CSMD3: variants seen among roughly 807,000 people sequenced by gnomAD.
The protein encoded by CSMD3 is CUB and sushi domain-containing protein 3.
A neutral mutation model predicts 435.2 loss-of-function variants in CSMD3; 177 were observed. The observed-to-expected ratio is 0.41, with a 90% CI of 0.36 to 0.46. The LOEUF (loss-of-function observed/expected upper bound fraction) is 0.46. Among genes scored for constraint, CSMD3 ranks in the 20% least tolerant of loss-of-function variants. CSMD3 has a pLI of 0.34. For synonymous variants in CSMD3, 1,656 were observed against 1,520.5 expected, an observed-to-expected ratio of 1.09 and a Z score of -2.07; for missense variants, 4,265 against 4,504.6, an observed-to-expected ratio of 0.95 and a Z score of 1.52.
chr8:112,369,775 A>G (rs1475676755), intron 38 of CSMD3, among the ~76,000 whole-genome samples: 3 of 151,782 alleles, frequency 2.0e-5, no homozygotes, highest in Non-Finnish European at 4.4e-5. Flanking sequence ...GGGGCTTAAA[A>G]CCTGGATTAC....
At chr8:112,910,004 T>C (rs1159003301) in intron 10 of CSMD3, among the ~76,000 whole-genome samples, 1 of 151,764 alleles carries the variant, frequency 6.6e-6, no homozygotes, top group Non-Finnish European at 1.5e-5. Flanking sequence ...AGCCTGCCAG[T>C]GAGTACGTTA....
chr8:112,992,426 T>TCATAAATAA (rs2085489812), intron 6 of CSMD3, among the ~76,000 whole-genome samples: 1 of 151,734 alleles, frequency 6.6e-6, no homozygotes, highest in African/African-American at 2.4e-5. Flanking sequence ...AGGCCCTGAT[T>TCATAAATAA]GTGAATATCC....
rs190489582 is a variant in CSMD3 at position 112,899,463 on chromosome 8, T to C, written c.1633+22164A>G. ...AAAGTTATTTTCATTCTAAGCATTT[T>C]AGTTTTTAATATTCTAAAGCATTCA... On this transcript the variant is annotated intron_variant, in intron 10 of 70. Coordinates refer to ENST00000297405, the MANE Select transcript of CSMD3 (RefSeq NM_198123.2). 3.8e-3 allele frequency among the ~76,000 whole-genome samples: 561 copies of C among 148,110 alleles called. 6 individuals carry two copies. Among genetic ancestry groups the C allele is most frequent in the African/African-American group, 0.013 (524 of 40,790 alleles).
intron 9 of CSMD3, among the ~76,000 whole-genome samples, chr8:112,922,515 G>T (rs567901307): frequency 6.6e-6 from 1 of 150,658 alleles, no homozygotes; most frequent in Non-Finnish European, 1.5e-5. Flanking sequence ...CCTCCTAGCC[G>T]CCCCCACATC....
chr8:113,106,381 AC>A (rs2090477911), intron 4 of CSMD3, among the ~76,000 whole-genome samples: 1 of 152,150 alleles, frequency 6.6e-6, no homozygotes, highest in African/African-American at 2.4e-5. Context: ...AAAAGAAAAC[AC>A]AGTGGACTTA....
At chr8:112,508,506 C>A (rs1345107507) in intron 28 of CSMD3, among the ~76,000 whole-genome samples, 1 of 152,054 alleles carries the variant, frequency 6.6e-6, no homozygotes, top group Non-Finnish European at 1.5e-5. Flanking sequence ...GAACTTTGTC[C>A]CACTCTCAGC....
chr8:112,930,795 TTGTC>T (rs2083080979), intron 9 of CSMD3, among the ~76,000 whole-genome samples: 1 of 152,090 alleles, frequency 6.6e-6, no homozygotes, highest in Non-Finnish European at 1.5e-5. Flanking sequence ...AACTACCTCA[TTGTC>T]TGTGAACTGT....
intron 27 of CSMD3, among the ~76,000 whole-genome samples, chr8:112,535,243 A>T (rs1352756724): frequency 6.6e-6 from 1 of 152,076 alleles, no homozygotes; most frequent in African/African-American, 2.4e-5. Context: ...CCCTGTTTGC[A>T]GATGACATGA....
At chr8:112,379,759 G>A (rs1376445302) in intron 38 of CSMD3, among the ~76,000 whole-genome samples, 1 of 152,118 alleles carries the variant, frequency 6.6e-6, no homozygotes, top group Non-Finnish European at 1.5e-5. Flanking sequence ...CACAATTCTT[G>A]ATTATATATT....
chr8:112,445,881 G>A (rs1815545765), intron 32 of CSMD3, among the ~76,000 whole-genome samples: 1 of 151,998 alleles, frequency 6.6e-6, no homozygotes. Flanking sequence ...CCACAAAAAT[G>A]CACTTAAAGA....
chr8:113,390,937 T>C (rs541408552), intron 1 of CSMD3, among the ~76,000 whole-genome samples: 90 of 152,110 alleles, frequency 5.9e-4, no homozygotes, highest in Admixed American at 1.2e-3. Context: ...AACTGTTATC[T>C]CAATATGAAA....
In CSMD3 at chr8:112,522,138, T is replaced by C. The variant is rs1340275553; in HGVS notation, c.4565-4913A>G. The stretch of plus-strand genomic sequence containing the variant: ...AAATACATTTGCTATGACAAATTTT[T>C]ACTTTCAAAATAGAACTGTTTCTAT... On this transcript the variant is annotated intron_variant, in intron 27 of 70. Transcript: ENST00000297405. Among the ~76,000 whole-genome samples, 5 of 151,970 alleles carry C rather than the reference T, an allele frequency of 3.3e-5. No homozygotes were observed. In the East Asian group the frequency reaches 7.7e-4, roughly 23 times the overall value.
intron 57 of CSMD3, among the ~76,000 whole-genome samples, chr8:112,288,064 A>G (rs1819389324): frequency 6.7e-6 from 1 of 149,850 alleles, no homozygotes; most frequent in Non-Finnish European, 1.5e-5. Context: ...GGTTGAAAAT[A>G]TAAGCATTGA....
intron 4 of CSMD3, among the ~76,000 whole-genome samples, chr8:113,133,290 A>G (rs67502912): frequency 0.11 from 16,905 of 152,174 alleles, 1,027 homozygotes; most frequent in Middle Eastern, 0.17. Flanking sequence ...ATATACAAAT[A>G]GCCAACTAAC....
intron 1 of CSMD3, among the ~76,000 whole-genome samples, chr8:113,421,547 A>G (rs1444356767): frequency 1.3e-5 from 2 of 152,184 alleles, no homozygotes; most frequent in African/African-American, 2.4e-5. Flanking sequence ...AATTTTGTCA[A>G]CTGTGTTTTT....
chr8:113,145,102 G>A (rs546235926), intron 4 of CSMD3, among the ~76,000 whole-genome samples: 3 of 151,480 alleles, frequency 2.0e-5, no homozygotes, highest in Admixed American at 1.3e-4. Context: ...TAATATACTT[G>A]GCAGGGTGGA....
At chr8:113,086,982 A>T (rs1334731876) in intron 5 of CSMD3, among the ~76,000 whole-genome samples, 1 of 152,104 alleles carries the variant, frequency 6.6e-6, no homozygotes, top group Non-Finnish European at 1.5e-5. Flanking sequence ...TAATATCTGA[A>T]TATGTTTTGT....
chr8:112,530,875 T>C lies in CSMD3; in HGVS notation c.4565-13650A>G, dbSNP rs530664292. Among the ~76,000 whole-genome samples the C allele has an allele frequency of 2.6e-5, 4 of 152,270 alleles. No homozygotes were observed. In the South Asian group the frequency reaches 8.3e-4, roughly 32 times the overall value. On this transcript the variant is annotated intron_variant, in intron 27 of 70. Transcript: ENST00000297405. ...TAGCCACAGCCACGGCAGAAGGGCT[T>C]AAGCCCTAGCTGACTGAAATGGTCT...
At chr8:112,553,101 C>A (rs1176613317) in intron 25 of CSMD3, among the ~76,000 whole-genome samples, 3 of 152,008 alleles carry the variant, frequency 2.0e-5, no homozygotes, top group Non-Finnish European at 4.4e-5. Flanking sequence ...ATCTTGCTAC[C>A]CCGCCTTTGA....
Sources: allele counts gnomAD v4.1 joint callset (sites outside exome capture counted in the v4.1 genomes callset), GRCh38; gene constraint gnomAD v4.1.1; transcripts MANE v1.5; gene names NCBI Gene and HGNC (gene_info 2026-07-23, HGNC 2026-07-21).